Variants in MAGI2 observed in about 807,000 individuals in gnomAD.
The protein encoded by MAGI2 is membrane associated guanylate kinase, WW and PDZ domain containing 2.
MAGI2 carries 35 observed loss-of-function variants against 133.3 expected under a neutral mutation model. That is an observed-to-expected ratio of 0.26 (90% confidence interval 0.20 to 0.35). The LOEUF is 0.35. Ranked by LOEUF, MAGI2 falls within the 10% of genes least tolerant of loss-of-function variation. The pLI is 1.00. For missense variants in MAGI2, 1,636 were observed against 1,863.4 expected (o/e 0.88, Z 2.25); for synonymous variants, 729 against 710.6 (o/e 1.03, Z -0.41).
intron 2 of MAGI2, among the ~76,000 whole-genome samples, chr7:78,680,238 A>C (rs1815498603): frequency 6.6e-6 from 1 of 152,150 alleles, no homozygotes; most frequent in Non-Finnish European, 1.5e-5. Context: ...AACATGGATT[A>C]ATGTTTATGT....
intron 6 of MAGI2, among the ~76,000 whole-genome samples, chr7:78,424,242 A>T (rs1377773068): frequency 6.6e-6 from 1 of 152,218 alleles, no homozygotes; most frequent in African/African-American, 2.4e-5. Context: ...GTTGCCTCAG[A>T]GGATGGAAGC....
intron 1 of MAGI2, among the ~76,000 whole-genome samples, chr7:79,322,830 A>T (rs1033341684): frequency 4.0e-5 from 6 of 151,850 alleles, no homozygotes; most frequent in Non-Finnish European, 5.9e-5. Context: ...ATGTGGATGA[A>T]ATGACTTTAT....
chr7:78,664,332 C>CT (rs1813306405), intron 2 of MAGI2, among the ~76,000 whole-genome samples: 1 of 151,972 alleles, frequency 6.6e-6, no homozygotes, highest in African/African-American at 2.4e-5. Flanking sequence ...TTCCCTATTT[C>CT]TTTTTTGTCT....
intron 3 of MAGI2, among the ~76,000 whole-genome samples, chr7:78,603,351 C>T (rs546844390): frequency 2.0e-5 from 3 of 152,234 alleles, no homozygotes; most frequent in East Asian, 1.9e-4. Flanking sequence ...TGCTTTCTGG[C>T]TCTGTTAGAT....
chr7:79,044,076 A>G (rs1337230123), intron 1 of MAGI2, among the ~76,000 whole-genome samples: 1 of 152,176 alleles, frequency 6.6e-6, no homozygotes, highest in Non-Finnish European at 1.5e-5. Flanking sequence ...AACTCATTCC[A>G]TGAGGTAAGC....
intron 1 of MAGI2, among the ~76,000 whole-genome samples, chr7:79,258,642 T>C (rs1193857588): frequency 1.3e-5 from 2 of 152,194 alleles, no homozygotes; most frequent in African/African-American, 2.4e-5. Context: ...TTTTTAGAGA[T>C]GGTGTTATGT....
chr7:78,868,867 C>A (rs542361271), intron 2 of MAGI2, among the ~76,000 whole-genome samples: 34 of 152,168 alleles, frequency 2.2e-4, no homozygotes, highest in Non-Finnish European at 4.9e-4. Flanking sequence ...CATTCTCCTG[C>A]CACAGCCTCC....
chr7:78,741,107 T>C (rs1374880117), intron 2 of MAGI2, among the ~76,000 whole-genome samples: 2 of 152,254 alleles, frequency 1.3e-5, no homozygotes, highest in African/African-American at 4.8e-5. Context: ...GGGGAGATTC[T>C]ATACACATAA....
chr7:79,198,112 G>T (rs1013771592), intron 1 of MAGI2, among the ~76,000 whole-genome samples: 1 of 151,852 alleles, frequency 6.6e-6, no homozygotes, highest in African/African-American at 2.4e-5. Context: ...AATTAGCTGG[G>T]CAAAGTGGTG....
At chr7:78,232,458 C>T (rs1002245251) in intron 10 of MAGI2, among the ~76,000 whole-genome samples, 1 of 152,184 alleles carries the variant, frequency 6.6e-6, no homozygotes, top group Non-Finnish European at 1.5e-5. Context: ...AAATTGTCCG[C>T]TCAATTACCA....
chr7:78,238,887 A>G (rs920054581), intron 10 of MAGI2, among the ~76,000 whole-genome samples: 4 of 152,146 alleles, frequency 2.6e-5, no homozygotes, highest in African/African-American at 9.7e-5. Flanking sequence ...AAGATTCCAC[A>G]TTACTTGCCT....
chr7:78,674,569 C>A (rs1016155139), intron 2 of MAGI2, among the ~76,000 whole-genome samples: 1 of 151,770 alleles, frequency 6.6e-6, no homozygotes, highest in Non-Finnish European at 1.5e-5. Flanking sequence ...TTTTGTCTAC[C>A]TCATTTATTA....
chr7:78,648,169 C>T (rs1811104108), intron 2 of MAGI2, among the ~76,000 whole-genome samples: 1 of 152,028 alleles, frequency 6.6e-6, no homozygotes, highest in Non-Finnish European at 1.5e-5. Flanking sequence ...TACAAAATTT[C>T]CAAAAATAAT....
intron 9 of MAGI2, among the ~76,000 whole-genome samples, chr7:78,332,935 G>A (rs1247854990): frequency 6.6e-6 from 1 of 152,124 alleles, no homozygotes; most frequent in East Asian, 1.9e-4. Context: ...ACTAGCATTG[G>A]CCAGCTGGCT....
At chr7:79,423,255 T>G (rs891196221) in intron 1 of MAGI2, among the ~76,000 whole-genome samples, 1 of 152,028 alleles carries the variant, frequency 6.6e-6, no homozygotes, top group Non-Finnish European at 1.5e-5. Flanking sequence ...GTAAACAGAT[T>G]ATCATTTTAA....
intron 1 of MAGI2, among the ~76,000 whole-genome samples, chr7:79,113,437 C>T (rs1819114417): frequency 6.6e-6 from 1 of 152,108 alleles, no homozygotes; most frequent in African/African-American, 2.4e-5. Context: ...AATTGTCACA[C>T]GGGTTTGTCA....
chr7:78,610,310 G>A (rs563778760), intron 3 of MAGI2, among the ~76,000 whole-genome samples: 6 of 152,178 alleles, frequency 3.9e-5, no homozygotes, highest in African/African-American at 1.4e-4. Context: ...AGGCTGACTT[G>A]GTTTCTAGAG....
At chr7:79,389,203 TTTTTAA>T (rs1051547422) in intron 1 of MAGI2, among the ~76,000 whole-genome samples, 18 of 152,154 alleles carry the variant, frequency 1.2e-4, no homozygotes, top group African/African-American at 3.6e-4. Flanking sequence ...ATAATCTATA[TTTTTAA>T]TTTTAACATT....
chr7:78,878,966 T>G (rs2151538852), intron 2 of MAGI2, among the ~76,000 whole-genome samples: 1 of 152,328 alleles, frequency 6.6e-6, no homozygotes, highest in South Asian at 2.1e-4. Context: ...CACCTCATTC[T>G]TCCTGTGTAG....
Sources: gnomAD v4.1 joint callset for allele counts (sites outside exome capture counted in the v4.1 genomes callset) on GRCh38, gnomAD v4.1.1 for gene constraint, MANE v1.5 for transcripts, NCBI Gene and HGNC (gene_info 2026-07-23, HGNC 2026-07-21) for gene names.